FGFR2: variants seen among roughly 807,000 people sequenced by gnomAD.
The protein encoded by FGFR2 is BEK fibroblast growth factor receptor.
In FGFR2, 19 loss-of-function variants were observed where a neutral mutation model predicts 95.9. That is an observed-to-expected ratio of 0.20 (90% CI 0.14 to 0.29). FGFR2 has a LOEUF of 0.29. FGFR2 is among the 10% of genes least tolerant of loss of function. The pLI, the probability that FGFR2 is intolerant of heterozygous loss-of-function variation, is 1.00. For missense variants in FGFR2, 707 were observed against 1,056.9 expected, an observed-to-expected ratio of 0.67 and a Z score of 4.59; for synonymous variants, 392 against 393.3, an observed-to-expected ratio of 1.00 and a Z score of 0.04.
intron 6 of FGFR2, among the ~76,000 whole-genome samples, chr10:121,535,190 C>T (rs1392925716): frequency 1.3e-5 from 2 of 152,126 alleles, no homozygotes; most frequent in Admixed American, 1.3e-4. Context: ...TGGAACTTGC[C>T]AACACCTTAA....
At chr10:121,589,980 A>G (rs1862390232) in intron 2 of FGFR2, among the ~76,000 whole-genome samples, 1 of 152,194 alleles carries the variant, frequency 6.6e-6, no homozygotes, top group Non-Finnish European at 1.5e-5. Context: ...ATATTATGGC[A>G]TTTACAATAC....
chr10:121,568,387 G>A (rs1054357141), intron 2 of FGFR2, among the ~76,000 whole-genome samples: 1 of 152,178 alleles, frequency 6.6e-6, no homozygotes, highest in African/African-American at 2.4e-5. Flanking sequence ...AATGATCAAT[G>A]TCTATTATGA....
At chr10:121,489,787 C>G (rs1271961655) in intron 13 of FGFR2, among the ~76,000 whole-genome samples, 2 of 152,212 alleles carry the variant, frequency 1.3e-5, no homozygotes. Context: ...CCACACCATG[C>G]CTTTCCCACT....
At chr10:121,539,594 G>T (rs1853389491) in intron 5 of FGFR2, among the ~76,000 whole-genome samples, 1 of 152,122 alleles carries the variant, frequency 6.6e-6, no homozygotes, top group African/African-American at 2.4e-5. Context: ...GTATCTTCAG[G>T]GTTTGAGGCT....
chr10:121,489,441 T>A (rs566376519), intron 13 of FGFR2, among the ~76,000 whole-genome samples: 62 of 152,320 alleles, frequency 4.1e-4, no homozygotes, highest in African/African-American at 1.4e-3. Context: ...CCTCTTAGAA[T>A]CTCTGGCTGG....
intron 9 of FGFR2, among the ~76,000 whole-genome samples, chr10:121,514,524 A>G (rs1239597024): frequency 6.6e-6 from 1 of 152,204 alleles, no homozygotes; most frequent in Non-Finnish European, 1.5e-5. Flanking sequence ...CCTGTGAACT[A>G]CTAACAATGA....
intron 6 of FGFR2, among the ~76,000 whole-genome samples, chr10:121,522,902 G>A (rs1589848501): frequency 3.3e-5 from 5 of 152,314 alleles, no homozygotes; most frequent in Admixed American, 3.3e-4. Flanking sequence ...CACCAAGGAT[G>A]TCTCTGCACT....
At chr10:121,526,047 G>A (rs971863945) in intron 6 of FGFR2, 1 of 396,356 alleles carries the variant, frequency 2.5e-6, no homozygotes, top group Non-Finnish European at 4.4e-6. Context: ...GGAGTTCCCA[G>A]TATTGATCTG....
At chr10:121,527,593 T>C (rs1269971768) in intron 6 of FGFR2, 1 of 151,798 alleles carries the variant, frequency 6.6e-6, no homozygotes, top group Non-Finnish European at 1.5e-5. Flanking sequence ...TTTACCACAA[T>C]TTTTTTTTAA....
intron 10 of FGFR2, 148 bp from the exon 11 acceptor site, chr10:121,501,095 C>G (rs1025957310): frequency 1.9e-6 from 2 of 1,079,206 alleles, no homozygotes; most frequent in African/African-American, 3.1e-5. Context: ...AGGGTACACA[C>G]GCGCCTGAGT....
chr10:121,579,649 G>A (rs1326734211), intron 2 of FGFR2, among the ~76,000 whole-genome samples: 2 of 152,090 alleles, frequency 1.3e-5, no homozygotes, highest in African/African-American at 4.8e-5. Context: ...ATTTGCATGT[G>A]GGGCACAGTA....
At chr10:121,541,520 G>A (rs1038989355) in intron 5 of FGFR2, among the ~76,000 whole-genome samples, 5 of 152,068 alleles carry the variant, frequency 3.3e-5, no homozygotes, top group Non-Finnish European at 5.9e-5. Context: ...CCACTCTTCC[G>A]ACGTAATATA....
intron 2 of FGFR2, among the ~76,000 whole-genome samples, chr10:121,588,300 G>T (rs1243032882): frequency 6.6e-6 from 1 of 152,130 alleles, no homozygotes; most frequent in Non-Finnish European, 1.5e-5. Context: ...TGGGTACTGG[G>T]CTTAATACCT....
chr10:121,529,807 T>A (rs1851856154), intron 6 of FGFR2, among the ~76,000 whole-genome samples: 1 of 152,158 alleles, frequency 6.6e-6, no homozygotes, highest in Non-Finnish European at 1.5e-5. Flanking sequence ...GCCTTATACC[T>A]CATTCAAGTG....
At chr10:121,571,051 C>A (rs909743363) in intron 2 of FGFR2, among the ~76,000 whole-genome samples, 1 of 151,482 alleles carries the variant, frequency 6.6e-6, no homozygotes. Flanking sequence ...TGCAGTGGCG[C>A]GATCTTGGCT....
intron 2 of FGFR2, among the ~76,000 whole-genome samples, chr10:121,589,886 A>T (rs1458860681): frequency 1.3e-5 from 2 of 152,262 alleles, no homozygotes; most frequent in Non-Finnish European, 2.9e-5. Flanking sequence ...ACGAAACAGA[A>T]GATTATTTTA....
intron 4 of FGFR2, among the ~76,000 whole-genome samples, chr10:121,554,480 A>G (rs779897338): frequency 7.1e-4 from 106 of 149,870 alleles, no homozygotes; most frequent in Non-Finnish European, 1.2e-3. Flanking sequence ...CTGGGACTAC[A>G]GGTGCCCGCC....
intron 9 of FGFR2, among the ~76,000 whole-genome samples, chr10:121,504,232 A>T (rs916179225): frequency 6.6e-6 from 1 of 152,070 alleles, no homozygotes; most frequent in South Asian, 2.1e-4. Flanking sequence ...TCCTCCAGAG[A>T]GTCACTTGAG....
chr10:121,520,799 C>T (rs117281119), intron 6 of FGFR2, among the ~76,000 whole-genome samples: 199 of 152,298 alleles, frequency 1.3e-3, no homozygotes, highest in Middle Eastern at 6.8e-3. Context: ...ACCGCCACCA[C>T]GCCCAGCTGA....
Sources: allele counts gnomAD v4.1 joint callset (sites outside exome capture counted in the v4.1 genomes callset), GRCh38; gene constraint gnomAD v4.1.1; transcripts MANE v1.5; gene names NCBI Gene and HGNC (gene_info 2026-07-23, HGNC 2026-07-21).